Variants in BSND observed in about 807,000 individuals in gnomAD.
The protein encoded by BSND is barttin CLCNK type accessory subunit beta, also known as barttin.
BSND carries 13 observed loss-of-function variants against 18.8 expected under a neutral mutation model. The ratio of observed to expected loss-of-function variants is 0.69; its 90% CI spans 0.45 to 1.10. BSND has a LOEUF of 1.10. Ranked by LOEUF, BSND falls within the 50% of genes least tolerant of loss-of-function variation. The probability of loss-of-function intolerance (pLI) is 0.00; values close to 1 mark genes in which losing one functional copy is unlikely to be tolerated. For synonymous variants in BSND, 170 were observed against 161.8 expected (o/e 1.05, Z -0.39); for missense variants, 379 against 416.7 (o/e 0.91, Z 0.79).
chr1:55,003,603 G>A (rs1348369160), intron 1 of BSND, among the ~76,000 whole-genome samples: 1 of 152,150 alleles, frequency 6.6e-6, no homozygotes, highest in Non-Finnish European at 1.5e-5. Flanking sequence ...AAGGGGAATA[G>A]GGAAGTGCTA....
chr1:55,006,884 G>T lies in BSND; in HGVS notation c.273-113G>T, dbSNP rs1644393859. 2.0e-6 allele frequency: 3 copies of T among 1,497,760 alleles called. No homozygotes were observed. In the South Asian group the frequency reaches 3.5e-5, roughly 17 times the overall value. The allele number at this position is 1,497,760 out of a possible 1,614,324, so 92.8% of individuals were successfully genotyped here. A position where few individuals can be genotyped will look rare whatever the true frequency, so the allele number is the denominator to read the frequency against. The stretch of plus-strand genomic sequence containing the variant: ...AACGGGCGCAGTAACATCCCCCAAA[G>T]GCTTCTTGTGAGGTGAGGGGAGACC... On this transcript the variant is annotated intron_variant, in intron 2 of 3. Coordinates refer to ENST00000651561, the MANE Select transcript of BSND (RefSeq NM_057176.3).
chr1:55,008,817 A>G lies in BSND; in HGVS notation c.*189A>G. On this transcript the variant is annotated 3_prime_UTR_variant, in exon 4 of 4. Coordinates refer to ENST00000651561, the MANE Select transcript of BSND (RefSeq NM_057176.3). The stretch of plus-strand genomic sequence containing the variant: ...ATTAGTGGACTCTTGTTTTTCCAAT[A>G]GTTAGTGGTCTTTGGCCAACCTTTG... 1.1e-6 allele frequency: 1 copy of G among 890,306 alleles called. No individual in the cohort carries two copies. 55.2% of individuals were successfully genotyped at this position (890,306 alleles called of 1,614,324 possible).
rs768683733 is a variant in BSND, at chr1:54,999,153, G to C, written c.-34G>C. 2.5e-6 allele frequency: 4 copies of C among 1,612,196 alleles called. No individual in the cohort carries two copies. Among genetic ancestry groups the C allele is most frequent in the Admixed American group, 1.7e-5 (1 of 59,996 alleles). On this transcript the variant is annotated 5_prime_UTR_variant, in exon 1 of 4. Coordinates refer to ENST00000651561, the MANE Select transcript of BSND (RefSeq NM_057176.3). ...CTGAACTACAGCCACCCCCTCTCCC[G>C]GGGGTGTGCAGGCCAGGGACTGGCC...
chr1:54,999,537 AT>A (rs1644351120), intron 1 of BSND, among the ~76,000 whole-genome samples, 174 bp downstream of exon 1: 1 of 151,772 alleles, frequency 6.6e-6, no homozygotes, highest in South Asian at 2.1e-4. Flanking sequence ...CCATCCATCC[AT>A]CCATCCATCC....
At chr1:55,003,406 T>A (rs1422889073) in intron 1 of BSND, among the ~76,000 whole-genome samples, 1 of 152,152 alleles carries the variant, frequency 6.6e-6, no homozygotes, top group Non-Finnish European at 1.5e-5. Context: ...TTTAATTTTT[T>A]TATTTTTTTT....
intron 1 of BSND, among the ~76,000 whole-genome samples, chr1:55,002,849 A>G (rs1379883266): frequency 1.7e-5 from 1 of 60,584 alleles, no homozygotes; most frequent in Non-Finnish European, 3.0e-5. Flanking sequence ...GATGGTAAAG[A>G]TGGTGATTAT....
chr1:55,016,452 T>C lies in BSND; in HGVS notation c.*7824T>C, dbSNP rs1296344142. Among the ~76,000 whole-genome samples the C allele has an allele frequency of 1.3e-5, 2 of 152,230 alleles. No homozygotes were observed. The highest frequency in any genetic ancestry group is 1.5e-5 in the Non-Finnish European group (1 of 68,040). ...ATAATAATAGGTGGAGCTGGCAGAATGTGGAGGAACAGAGCTCTTTCTGAC... is the reference window on the plus strand; with the variant it reads ...ATAATAATAGGTGGAGCTGGCAGAACGTGGAGGAACAGAGCTCTTTCTGAC... On this transcript the variant is annotated 3_prime_UTR_variant, in exon 4 of 4. Coordinates refer to ENST00000651561, the MANE Select transcript of BSND (RefSeq NM_057176.3).
In BSND at chr1:55,007,012, G is replaced by A. The variant is rs752911029; in HGVS notation, c.288G>A (p.Pro96=). Residue 96 remains proline, a synonymous_variant, in exon 3 of 4, where the codon CCG becomes CCA. Coordinates refer to ENST00000651561, the MANE Select transcript of BSND (RefSeq NM_057176.3). ...CCCACTCCAGCCCCAGTCCCCAGCC[G>A]CCCTATGTAAGGCTGTGGGAGGAAG... ...AAEMKSPSPQ[P]PYVRLWEEAA... is the part of the protein sequence containing the mutation. The A allele has an allele frequency of 2.4e-5, 39 of 1,613,962 alleles. No homozygotes were observed. Among genetic ancestry groups the A allele is most frequent in the South Asian group, 4.4e-5 (4 of 91,086 alleles).
rs1345074082 is a variant in BSND, at chr1:54,999,196, GAGA to G, written c.14_16del (p.Lys5del). The G allele has an allele frequency of 6.2e-7, 1 of 1,613,970 alleles. No individual in the cohort carries two copies. Among genetic ancestry groups the G allele is most frequent in the African/African-American group, 1.3e-5 (1 of 74,934 alleles). ...GACTGGCCAGGCAGCCATGGCTGAC[GAGA>G]AGACCTTCCGGATCGGCTTCATTGT... On this transcript the variant is annotated inframe_deletion, in exon 1 of 4. Coordinates refer to ENST00000651561, the MANE Select transcript of BSND (RefSeq NM_057176.3).
intron 2 of BSND, 129 bp from the exon 3 acceptor site, chr1:55,006,868 A>G (rs1016128408): frequency 2.3e-5 from 31 of 1,365,964 alleles, no homozygotes; most frequent in Non-Finnish European, 3.1e-5. Flanking sequence ...AAACGGGCGC[A>G]GTAACATCCC....
intron 1 of BSND, 62 bp downstream of exon 1, chr1:54,999,425 G>C: frequency 6.6e-7 from 1 of 1,523,264 alleles, no homozygotes; most frequent in Non-Finnish European, 8.9e-7. Flanking sequence ...TGGACACTGT[G>C]CCTGTATGCC....
intron 3 of BSND, among the ~76,000 whole-genome samples, chr1:55,007,775 T>C (rs189363437): frequency 1.8e-4 from 27 of 152,316 alleles, no homozygotes; most frequent in African/African-American, 6.5e-4. Flanking sequence ...TTCATCCATG[T>C]ACTTATTCAT....
rs943190105 is a variant in BSND, at chr1:55,014,477, G to A, written c.*5849G>A. Among the ~76,000 whole-genome samples the A allele has an allele frequency of 1.3e-5, 2 of 152,222 alleles. No individual in the cohort carries two copies. The highest frequency in any genetic ancestry group is 2.1e-4 in the South Asian group (1 of 4,826). On this transcript the variant is annotated 3_prime_UTR_variant, in exon 4 of 4. Transcript: ENST00000651561. Reference sequence around the variant, plus strand: ...GTGTAGCATGTGCCTAGCACCTGGTGAGCCCCCAGTAAAGTCAGTTATCAT... The same window carrying A: ...GTGTAGCATGTGCCTAGCACCTGGTAAGCCCCCAGTAAAGTCAGTTATCAT...
chr1:55,005,567 G>A (rs1337122283), intron 2 of BSND, among the ~76,000 whole-genome samples: 1 of 152,160 alleles, frequency 6.6e-6, no homozygotes, highest in Non-Finnish European at 1.5e-5. Flanking sequence ...TCTGTAAAAT[G>A]GGGATACTAA....
Position 55,008,729 on chromosome 1 carries a change from G to A in BSND, c.*101G>A, listed in dbSNP as rs1644405343. ...TATCTGCAAAATGGGATGATATGGA[G>A]GTTCAATGAGATGGTGGCATTTTGA... On this transcript the variant is annotated 3_prime_UTR_variant, in exon 4 of 4. Coordinates refer to ENST00000651561, the MANE Select transcript of BSND (RefSeq NM_057176.3). The A allele has an allele frequency of 1.3e-6, 2 of 1,526,794 alleles. No homozygotes were observed. Among genetic ancestry groups the A allele is most frequent in the Non-Finnish European group, 1.8e-6 (2 of 1,105,896 alleles). The allele number at this position is 1,526,794 out of a possible 1,614,324, so 94.6% of individuals were successfully genotyped here.
At chr1:55,002,725 G>A (rs1644367123) in intron 1 of BSND, among the ~76,000 whole-genome samples, 1 of 152,156 alleles carries the variant, frequency 6.6e-6, no homozygotes, top group Non-Finnish European at 1.5e-5. Context: ...TTTCCTAAGG[G>A]TGGTGATGAT....
In BSND at chr1:55,009,135, G is replaced by A; in HGVS notation, c.*507G>A. On this transcript the variant is annotated 3_prime_UTR_variant, in exon 4 of 4. Transcript: ENST00000651561. ...CCAAAACCTTCTGTGACTGACCCCT[G>A]CTGACCTCATTCTCTCTGCTCCTCC... The A allele has an allele frequency of 5.3e-6, 1 of 188,358 alleles. No homozygotes were observed. The highest frequency in any genetic ancestry group is 1.1e-4 in the South Asian group (1 of 9,288). 11.7% of individuals were successfully genotyped at this position (188,358 alleles called of 1,614,324 possible). A position where few individuals can be genotyped will look rare whatever the true frequency, so the allele number is the denominator to read the frequency against.
intron 1 of BSND, among the ~76,000 whole-genome samples, chr1:55,002,810 ATGT>A (rs1644367612): frequency 1.5e-5 from 2 of 136,984 alleles, no homozygotes; most frequent in African/African-American, 2.8e-5. Context: ...GATGATGATG[ATGT>A]TAGTGATGGT....
In BSND at chr1:54,999,341, G is replaced by A; in HGVS notation, c.155G>A (p.Ser52Asn). 1 of 1,611,912 alleles carries A rather than the reference G, an allele frequency of 6.2e-7. No homozygotes were observed. The highest frequency in any genetic ancestry group is 8.5e-7 in the Non-Finnish European group (1 of 1,178,376). Residue 52 changes from serine to asparagine, a missense_variant, in exon 1 of 4, where the codon AGC (serine) becomes AAC (asparagine). Physicochemically the swap from Ser to Asn is conservative, Grantham distance 46 (BLOSUM62 1). Transcript: ENST00000651561. ...SVMVIGGIIW[S>N]MCQCYPKITF... ...ATGGTGATCGGGGGCATCATCTGGA[G>A]CATGTGCCAGTGCTACCCCAAGGTA...
Sources: gnomAD v4.1 joint callset for allele counts (sites outside exome capture counted in the v4.1 genomes callset) on GRCh38, gnomAD v4.1.1 for gene constraint, MANE v1.5 for transcripts, NCBI Gene and HGNC (gene_info 2026-07-23, HGNC 2026-07-21) for gene names.